The following LYN variants were observed in gnomAD, a reference collection of about 807,000 sequenced individuals.
LYN encodes the protein LYN proto-oncogene, Src family tyrosine kinase.
LYN carries 12 observed loss-of-function variants against 65.0 expected under a neutral mutation model. That is an observed-to-expected ratio of 0.18 (90% CI 0.12 to 0.30). The LOEUF (loss-of-function observed/expected upper bound fraction) is 0.30, where lower values mean the gene tolerates loss of function less well. LYN is among the 10% of genes least tolerant of loss of function. LYN has a pLI of 1.00. For missense variants in LYN, 380 were observed against 623.2 expected, an observed-to-expected ratio of 0.61 and a Z score of 4.16; for synonymous variants, 222 against 221.2, an observed-to-expected ratio of 1.00 and a Z score of -0.03.
intron 1 of LYN, among the ~76,000 whole-genome samples, chr8:55,888,376 A>G (rs917607200): frequency 7.9e-5 from 12 of 152,128 alleles, no homozygotes; most frequent in African/African-American, 2.7e-4. Context: ...CCTAATACTA[A>G]ATGTTGGACT....
chr8:55,934,420 C>T (rs1466177744), intron 1 of LYN, among the ~76,000 whole-genome samples: 3 of 152,202 alleles, frequency 2.0e-5, no homozygotes, highest in Admixed American at 6.5e-5. Context: ...TGCTGCTGTG[C>T]TGTTTGGTAG....
chr8:55,899,236 G>T (rs887273285), intron 1 of LYN, among the ~76,000 whole-genome samples: 4 of 152,102 alleles, frequency 2.6e-5, no homozygotes, highest in African/African-American at 9.7e-5. Context: ...TTCCTTAAAA[G>T]GTGTAATATT....
intron 1 of LYN, among the ~76,000 whole-genome samples, chr8:55,939,283 T>C (rs1444223259): frequency 6.6e-6 from 1 of 152,184 alleles, no homozygotes; most frequent in Admixed American, 6.5e-5. Context: ...ATGCTAATTC[T>C]CCACGTGGCT....
intron 10 of LYN, among the ~76,000 whole-genome samples, chr8:55,973,831 A>T (rs1188167942): frequency 6.6e-6 from 1 of 152,240 alleles, no homozygotes; most frequent in Non-Finnish European, 1.5e-5. Flanking sequence ...CTATTGTCTC[A>T]GCTACTTGGG....
intron 10 of LYN, among the ~76,000 whole-genome samples, chr8:55,976,481 C>T (rs746298052): frequency 3.9e-5 from 6 of 152,200 alleles, no homozygotes; most frequent in Non-Finnish European, 8.8e-5. Flanking sequence ...GTGTGGCCCG[C>T]TCCCTTTCAC....
chr8:55,902,208 A>G (rs986449012), intron 1 of LYN, among the ~76,000 whole-genome samples: 3 of 151,826 alleles, frequency 2.0e-5, no homozygotes, highest in Admixed American at 6.6e-5. Flanking sequence ...GGGTTTCTAC[A>G]TGTTGGTCAG....
At chr8:55,916,269 A>T (rs1328349488) in intron 1 of LYN, among the ~76,000 whole-genome samples, 2 of 152,204 alleles carry the variant, frequency 1.3e-5, no homozygotes, top group Non-Finnish European at 2.9e-5. Flanking sequence ...TTGAGAAAAA[A>T]TAGTGACTGT....
intron 10 of LYN, among the ~76,000 whole-genome samples, chr8:55,993,576 T>G (rs1489255547): frequency 1.3e-5 from 2 of 152,214 alleles, no homozygotes; most frequent in Non-Finnish European, 2.9e-5. Flanking sequence ...AGCTTTCAAC[T>G]GGTTCTTTAA....
chr8:55,927,704 G>A (rs773445011), intron 1 of LYN, among the ~76,000 whole-genome samples: 7 of 152,006 alleles, frequency 4.6e-5, no homozygotes, highest in Non-Finnish European at 8.8e-5. Flanking sequence ...GTGTGGTGGC[G>A]GGTGCCTGTA....
intron 1 of LYN, among the ~76,000 whole-genome samples, chr8:55,929,244 G>A (rs753370248): frequency 2.0e-5 from 3 of 152,180 alleles, no homozygotes; most frequent in South Asian, 2.1e-4. Context: ...GCAGGGATCC[G>A]TAGAATAGAT....
intron 7 of LYN, among the ~76,000 whole-genome samples, chr8:55,952,456 A>G (rs1314130589): frequency 1.3e-5 from 2 of 152,002 alleles, no homozygotes; most frequent in African/African-American, 4.8e-5. Flanking sequence ...GCTACTCGGG[A>G]GGCTGAGGCA....
rs149910855 is a variant in LYN, at chr8:55,952,213, G to A, written c.637+98G>A. On this transcript the variant is annotated intron_variant, in intron 7 of 12. Coordinates refer to ENST00000519728, the MANE Select transcript of LYN (RefSeq NM_002350.4). ...TTTATATTAAAACTTTTTATGCATC[G>A]TATTTCTCTTAGATACAGTTGCAGG... 345 of 951,534 alleles carry A rather than the reference G, an allele frequency of 3.6e-4. 2 individuals carry two copies. The African/African-American group carries it at 4.6e-3, about 13-fold the overall frequency. The allele number at this position is 951,534 out of a possible 1,614,324, so 58.9% of individuals were successfully genotyped here. A position where few individuals can be genotyped will look rare whatever the true frequency, so the allele number is the denominator to read the frequency against.
At chr8:55,904,637 C>A (rs1805370354) in intron 1 of LYN, among the ~76,000 whole-genome samples, 1 of 152,130 alleles carries the variant, frequency 6.6e-6, no homozygotes, top group Admixed American at 6.5e-5. Context: ...GTAATCCCAG[C>A]TACTCGGGAG....
Position 55,998,512 on chromosome 8 carries a change from A to G in LYN, c.1204+13A>G, listed in dbSNP as rs2130583714. 6.3e-7 allele frequency: 1 copy of G among 1,596,410 alleles called. No individual in the cohort carries two copies. Among genetic ancestry groups the G allele is most frequent in the Non-Finnish European group, 8.6e-7 (1 of 1,165,094 alleles). Reference sequence around the variant, plus strand: ...ACAGCAAGGGAAGGTATGTTGCACTAATGATCTTTAGATGTTTTATTATTG... The same window carrying G: ...ACAGCAAGGGAAGGTATGTTGCACTGATGATCTTTAGATGTTTTATTATTG... On this transcript the variant is annotated intron_variant, in intron 11 of 12. Transcript: ENST00000519728.
chr8:56,008,381 A>G (rs549522024), intron 12 of LYN, among the ~76,000 whole-genome samples: 63 of 152,312 alleles, frequency 4.1e-4, no homozygotes, highest in Non-Finnish European at 7.8e-4. Context: ...TAGCTATGGA[A>G]AGGAAATTCG....
At chr8:55,990,520 A>G (rs1043016706) in intron 10 of LYN, among the ~76,000 whole-genome samples, 1 of 152,204 alleles carries the variant, frequency 6.6e-6, no homozygotes, top group Admixed American at 6.5e-5. Flanking sequence ...AATTTCCCCC[A>G]TAAGAGATGG....
chr8:55,964,778 G>T (rs757428175), intron 8 of LYN, among the ~76,000 whole-genome samples: 3 of 152,204 alleles, frequency 2.0e-5, no homozygotes, highest in African/African-American at 7.2e-5. Context: ...GAATAGAAAA[G>T]AACAAGAGAA....
chr8:55,963,436 T>G (rs1807345793), intron 8 of LYN, among the ~76,000 whole-genome samples: 1 of 152,126 alleles, frequency 6.6e-6, no homozygotes, highest in South Asian at 2.1e-4. Context: ...CGGAAGGAAG[T>G]GTGCACTCAG....
At chr8:55,887,495 T>A (rs944533462) in intron 1 of LYN, among the ~76,000 whole-genome samples, 1 of 150,504 alleles carries the variant, frequency 6.6e-6, no homozygotes, top group Non-Finnish European at 1.5e-5. Context: ...ATCCCATATA[T>A]ACATAAATAT....
Sources: allele counts gnomAD v4.1 joint callset (sites outside exome capture counted in the v4.1 genomes callset), GRCh38; gene constraint gnomAD v4.1.1; transcripts MANE v1.5; gene names NCBI Gene and HGNC (gene_info 2026-07-23, HGNC 2026-07-21).